Variants in FOXK1 observed in about 807,000 individuals in gnomAD.
FOXK1 encodes forkhead box protein K1.
Under a neutral mutation model 51.9 loss-of-function variants are expected in FOXK1, and 19 were observed. The ratio of observed to expected loss-of-function variants is 0.37; its 90% confidence interval spans 0.26 to 0.54. The LOEUF is 0.54. Ranked by LOEUF, FOXK1 falls within the 20% of genes least tolerant of loss-of-function variation. FOXK1 has a pLI of 0.87. For synonymous variants in FOXK1, 537 were observed against 482.6 expected (o/e 1.11, Z -1.48); for missense variants, 870 against 1,032.7 (o/e 0.84, Z 2.16).
chr7:4,742,020 G>A (rs560200318), intron 2 of FOXK1, among the ~76,000 whole-genome samples: 78 of 152,392 alleles, frequency 5.1e-4, no homozygotes, highest in Middle Eastern at 3.4e-3. Flanking sequence ...TTCTAAACGT[G>A]GCTGGCTTTT....
At chr7:4,697,015 C>T (rs1050028791) in intron 1 of FOXK1, among the ~76,000 whole-genome samples, 3 of 152,126 alleles carry the variant, frequency 2.0e-5, no homozygotes, top group Non-Finnish European at 2.9e-5. Context: ...TTGCAGTGAG[C>T]CGAGATCATC....
At position 4,729,294 on chromosome 7, in the gene FOXK1, G is replaced by C. The variant is rs931941422; in HGVS notation, c.561-11544G>C. Among the ~76,000 whole-genome samples, 4 of 152,208 alleles carry C rather than the reference G, an allele frequency of 2.6e-5. No individual in the cohort carries two copies. Among genetic ancestry groups the C allele is most frequent in the African/African-American group, 9.6e-5 (4 of 41,452 alleles). On this transcript the variant is annotated intron_variant, in intron 1 of 8. Transcript: ENST00000328914. This position sits in a 1 kb window ranked among gnomAD's most constrained non-coding sequence, Gnocchi z 6.2. ...TGTCTGGGGAGTGGAACGTCTGCTA[G>C]AAATGCAGATCGCTGGGGCCACCGC...
In FOXK1 at chr7:4,709,903, C is replaced by T. The variant is rs1231328056; in HGVS notation, c.560+27035C>T. The stretch of plus-strand genomic sequence containing the variant: ...AGTTCACTTAGAACAACGCGTGACA[C>T]GTTTGAACACGGAAGAACACGGAAG... On this transcript the variant is annotated intron_variant, in intron 1 of 8. Transcript: ENST00000328914. This position sits in a 1 kb window ranked among gnomAD's most constrained non-coding sequence, Gnocchi z 5.6. Among the ~76,000 whole-genome samples the T allele has an allele frequency of 1.3e-5, 2 of 152,122 alleles. No homozygotes were observed. The highest frequency in any genetic ancestry group is 2.4e-5 in the African/African-American group (1 of 41,422).
rs1263885344 is a variant in FOXK1, at chr7:4,755,297, C to G, written c.964C>G (p.Gln322Glu). The G allele has an allele frequency of 1.9e-6, 3 of 1,613,874 alleles. No individual in the cohort carries two copies. The highest frequency in any genetic ancestry group is 1.3e-5 in the African/African-American group (1 of 74,924). ...GATCGTGCAGGCCATCTCCTCCGCC[C>G]AGGACCGGCAGCTGACCCTGAGCGG... ...QLIVQAISSA[Q>E]DRQLTLSGIY... is the part of the protein sequence containing the mutation. The change falls in exon 4 of 9, where the codon CAG becomes GAG. Residue 322 changes from glutamine to glutamate, a missense_variant. Physicochemically the swap from Gln to Glu is conservative, Grantham distance 29 (BLOSUM62 2). Transcript: ENST00000328914. This position sits in a 1 kb window ranked among gnomAD's most constrained non-coding sequence, Gnocchi z 6.6.
rs1408684988 is a variant in FOXK1 at position 4,722,238 on chromosome 7, G to A, written c.561-18600G>A. Among the ~76,000 whole-genome samples the A allele has an allele frequency of 5.9e-5, 9 of 152,092 alleles. No individual in the cohort carries two copies. The highest frequency in any genetic ancestry group is 4.8e-5 in the African/African-American group (2 of 41,462). ...CCGCCTGGAAATAAATGCCAGCACC[G>A]TGCAAGCTGGCTTTGCATTCTCTGC... On this transcript the variant is annotated intron_variant, in intron 1 of 8. Transcript: ENST00000328914. This position sits in a 1 kb window ranked among gnomAD's most constrained non-coding sequence, Gnocchi z 5.1.
chr7:4,704,689 TC>T (rs1780060796), intron 1 of FOXK1, among the ~76,000 whole-genome samples: 2 of 152,118 alleles, frequency 1.3e-5, no homozygotes, highest in Non-Finnish European at 2.9e-5. Flanking sequence ...CAGGCTGTGC[TC>T]GGATCACGGG....
chr7:4,702,640 C>T (rs544542045), intron 1 of FOXK1, among the ~76,000 whole-genome samples: 6 of 152,356 alleles, frequency 3.9e-5, no homozygotes, highest in Non-Finnish European at 5.9e-5. Context: ...GCCACCGCAC[C>T]CGGCCAGCAT....
In FOXK1 at chr7:4,682,321, G is replaced by A; in HGVS notation, c.13G>A (p.Gly5Ser). 1.0e-6 allele frequency: 1 copy of A among 992,810 alleles called. No individual in the cohort carries two copies. The highest frequency in any genetic ancestry group is 1.2e-6 in the Non-Finnish European group (1 of 837,218). The allele number at this position is 992,810 out of a possible 1,614,324, so 61.5% of individuals were successfully genotyped here. A position where few individuals can be genotyped will look rare whatever the true frequency, so the allele number is the denominator to read the frequency against. ...GAGCCGCGCGAACATGGCCGAAGTCGGCGAGGACAGCGGCGCCCGCGCCCT... is the reference window on the plus strand; with the variant it reads ...GAGCCGCGCGAACATGGCCGAAGTCAGCGAGGACAGCGGCGCCCGCGCCCT... Reference protein sequence around the residue: MAEVGEDSGARALLA... With the variant: MAEVSEDSGARALLA... The change falls in exon 1 of 9, where the codon GGC (glycine) becomes AGC (serine). Residue 5 changes from glycine (G) to serine (S), a missense_variant. By Grantham distance (56) the Gly-to-Ser change is moderately conservative. Transcript: ENST00000328914. This position sits in a 1 kb window ranked among gnomAD's most constrained non-coding sequence, Gnocchi z 7.6.
rs890986139 is a variant in FOXK1 at position 4,722,867 on chromosome 7, G to A, written c.561-17971G>A. The stretch of plus-strand genomic sequence containing the variant: ...CTCTCTCGTTTGGGCTCCGGTTCCC[G>A]CAGAATTGGCATCCAGGTGAGGTGC... On this transcript the variant is annotated intron_variant, in intron 1 of 8. Transcript: ENST00000328914. The surrounding 1 kb of genome is among the most constrained non-coding windows in gnomAD (Gnocchi z 5.1). Among the ~76,000 whole-genome samples, 3 of 152,076 alleles carry A rather than the reference G, an allele frequency of 2.0e-5. No individual in the cohort carries two copies. The highest frequency in any genetic ancestry group is 2.4e-5 in the African/African-American group (1 of 41,422).
intron 1 of FOXK1, among the ~76,000 whole-genome samples, chr7:4,688,173 C>T (rs994732276): frequency 1.3e-5 from 2 of 148,426 alleles, no homozygotes; most frequent in African/African-American, 5.0e-5. Context: ...TTCACCTTTC[C>T]CCCTCGCCCC....
At chr7:4,687,402 C>T (rs961700682) in intron 1 of FOXK1, among the ~76,000 whole-genome samples, 1 of 152,058 alleles carries the variant, frequency 6.6e-6, no homozygotes, top group East Asian at 1.9e-4. Flanking sequence ...AAGCGATTCT[C>T]CTGCCTCAGC....
chr7:4,731,672 A>C lies in FOXK1; in HGVS notation c.561-9166A>C, dbSNP rs1466697860. On this transcript the variant is annotated intron_variant, in intron 1 of 8. Transcript: ENST00000328914. The surrounding 1 kb of genome is among the most constrained non-coding windows in gnomAD (Gnocchi z 5.3). ...CTACTCGGGAGGCTGAGGCAGGAGA[A>C]TCGCTTGGACCTGGAGGCGGAGGTT... 6.6e-6 allele frequency among the ~76,000 whole-genome samples: 1 copy of C among 151,390 alleles called. No homozygotes were observed. Among genetic ancestry groups the C allele is most frequent in the Non-Finnish European group, 1.5e-5 (1 of 67,906 alleles).
intron 1 of FOXK1, among the ~76,000 whole-genome samples, chr7:4,695,849 T>C (rs1779944600): frequency 6.6e-6 from 1 of 152,042 alleles, no homozygotes; most frequent in East Asian, 1.9e-4. Flanking sequence ...GGCAGGAGAA[T>C]TGCTTGAATC....
In FOXK1 at chr7:4,747,277, T is replaced by C. The variant is rs1246012310; in HGVS notation, c.746+6254T>C. 7.4e-6 allele frequency among the ~76,000 whole-genome samples: 1 copy of C among 134,358 alleles called. No individual in the cohort carries two copies. The highest frequency in any genetic ancestry group is 1.8e-5 in the Non-Finnish European group (1 of 57,058). 88.1% of individuals were successfully genotyped at this position (134,358 alleles called of 152,430 possible). ...CGAGGACAGCCCTTTCCGGGTTCCA[T>C]GAGCCTCAGGGGAAGCAGGAGGCGC... On this transcript the variant is annotated intron_variant, in intron 2 of 8. Coordinates refer to ENST00000328914, the MANE Select transcript of FOXK1 (RefSeq NM_001037165.2). This position sits in a 1 kb window ranked among gnomAD's most constrained non-coding sequence, Gnocchi z 9.2.
intron 2 of FOXK1, among the ~76,000 whole-genome samples, chr7:4,741,646 T>C (rs1284394514): frequency 6.6e-6 from 1 of 152,242 alleles, no homozygotes; most frequent in East Asian, 1.9e-4. Flanking sequence ...TGTTTTAAAG[T>C]AATATTTGTC....
At chr7:4,720,553 G>A (rs1780295323) in intron 1 of FOXK1, among the ~76,000 whole-genome samples, 2 of 152,172 alleles carry the variant, frequency 1.3e-5, no homozygotes, top group African/African-American at 4.8e-5. Context: ...GTGCCTCAGT[G>A]GGGATGGGCA....
chr7:4,727,743 A>G (rs1046458614), intron 1 of FOXK1, among the ~76,000 whole-genome samples: 33 of 152,254 alleles, frequency 2.2e-4, no homozygotes, highest in Non-Finnish European at 5.9e-5. Context: ...ATGTCACATC[A>G]GAGTGCTCTC....
chr7:4,753,296 A>G lies in FOXK1; in HGVS notation c.747-1163A>G, dbSNP rs967850077. ...CCTGCACCCAAGGGGGCTCCTACTT[A>G]ACCTAAGTTTTGGAGATCTAGGAGT... On this transcript the variant is annotated intron_variant, in intron 2 of 8. Coordinates refer to ENST00000328914, the MANE Select transcript of FOXK1 (RefSeq NM_001037165.2). This position sits in a 1 kb window ranked among gnomAD's most constrained non-coding sequence, Gnocchi z 4.9. 3.3e-5 allele frequency among the ~76,000 whole-genome samples: 5 copies of G among 152,122 alleles called. No individual in the cohort carries two copies. The highest frequency in any genetic ancestry group is 2.0e-4 in the Admixed American group (3 of 15,274).
At chr7:4,721,251 C>CTG (rs1780305335) in intron 1 of FOXK1, among the ~76,000 whole-genome samples, 1 of 152,166 alleles carries the variant, frequency 6.6e-6, no homozygotes, top group Admixed American at 6.5e-5. Context: ...GGGGCTTTGC[C>CTG]TGTGTGTGGC....
Sources: gnomAD v4.1 joint callset for allele counts (sites outside exome capture counted in the v4.1 genomes callset) on GRCh38, gnomAD v4.1.1 for gene constraint, Gnocchi (gnomAD v3.1) non-coding constraint, MANE v1.5 for transcripts, NCBI Gene and HGNC (gene_info 2026-07-23, HGNC 2026-07-21) for gene names.